The following PSIP1 variants were observed in gnomAD, a reference collection of about 807,000 sequenced individuals.
PSIP1 encodes PC4 and SFRS1-interacting protein.
In PSIP1, 19 loss-of-function variants were observed where a neutral mutation model predicts 74.7. That is an observed-to-expected ratio of 0.25 (90% CI 0.18 to 0.37). PSIP1 has a LOEUF of 0.37. PSIP1 is among the 10% of genes least tolerant of loss of function. PSIP1 has a pLI of 1.00. For missense variants in PSIP1, 601 were observed against 614.3 expected (o/e 0.98, Z 0.23); for synonymous variants, 222 against 195.3 (o/e 1.14, Z -1.14).
chr9:15,473,977 G>T, intron 9 of PSIP1, 32 bp downstream of exon 9: 7 of 1,372,798 alleles, frequency 5.1e-6, no homozygotes, highest in Non-Finnish European at 6.0e-6. Context: ...ACTAAGAATA[G>T]AACAGCCATT....
In PSIP1 at chr9:15,472,688, A is replaced by G; in HGVS notation, c.921T>C (p.His307=). ...AHRRNMLKGQ[H]EKEAADRKRK... ...GTTTTCGATCTGCTGCTTCTTTCTC[A>G]TGTTGGCCTTTCAGCATATTCCTTC... Residue 307 remains histidine (H), a synonymous_variant, in exon 10 of 16, where the codon CAT becomes CAC. Coordinates refer to ENST00000380733, the MANE Select transcript of PSIP1 (RefSeq NM_033222.5). 1 of 1,608,518 alleles carries G rather than the reference A, an allele frequency of 6.2e-7. No homozygotes were observed.
At chr9:15,473,673 G>C (rs918378780) in intron 9 of PSIP1, among the ~76,000 whole-genome samples, 1 of 152,024 alleles carries the variant, frequency 6.6e-6, no homozygotes, top group Non-Finnish European at 1.5e-5. Context: ...GGCCAAGGTG[G>C]GAGGTTCACC....
At position 15,464,386 on chromosome 9, in the gene PSIP1, T is replaced by C. The variant is rs1023990442; in HGVS notation, c.*1134A>G. 5.1e-6 allele frequency: 1 copy of C among 195,802 alleles called. No homozygotes were observed. Among genetic ancestry groups the C allele is most frequent in the Non-Finnish European group, 1.1e-5 (1 of 94,294 alleles). 12.1% of individuals were successfully genotyped at this position (195,802 alleles called of 1,614,324 possible). Reference sequence around the variant, plus strand: ...ATCCTACTTGCTGAGAAGTGCCAAATGACCCTAATATTCAAAATATCTTAG... The same window carrying C: ...ATCCTACTTGCTGAGAAGTGCCAAACGACCCTAATATTCAAAATATCTTAG... On this transcript the variant is annotated 3_prime_UTR_variant, in exon 16 of 16. Coordinates refer to ENST00000380733, the MANE Select transcript of PSIP1 (RefSeq NM_033222.5).
intron 4 of PSIP1, among the ~76,000 whole-genome samples, chr9:15,488,617 T>G (rs1418208452): frequency 1.3e-5 from 2 of 152,042 alleles, no homozygotes; most frequent in Non-Finnish European, 2.9e-5. Flanking sequence ...TATAAAAAAT[T>G]TTTCTAAGCC....
At position 15,469,159 on chromosome 9, in the gene PSIP1, G is replaced by T; in HGVS notation, c.1105-101C>A. ...CAAAAAAAAAGAGGTAGTGCAAAAT[G>T]ACCAGTAATTATCCCTTAAATTTAC... On this transcript the variant is annotated intron_variant, in intron 12 of 15. Coordinates refer to ENST00000380733, the MANE Select transcript of PSIP1 (RefSeq NM_033222.5). The T allele has an allele frequency of 3.0e-6, 4 of 1,338,742 alleles. No homozygotes were observed. In the South Asian group the frequency reaches 3.9e-5, roughly 13 times the overall value. The allele number at this position is 1,338,742 out of a possible 1,614,324, so 82.9% of individuals were successfully genotyped here.
Position 15,469,048 on chromosome 9 carries a change from C to T in PSIP1, c.1115G>A (p.Arg372Lys). ...AAGTTCATCCAAGGCCTCAATGCAT[C>T]TGTTCACATCCTTCATGACAAAACA... Reference protein sequence around the residue: ...SLKIDNLDVNRCIEALDELAS... With the variant: ...SLKIDNLDVNKCIEALDELAS... Residue 372 changes from arginine to lysine, a missense_variant, in exon 13 of 16, where the codon AGA (arginine) becomes AAA (lysine). Physicochemically the swap from Arg to Lys is conservative, Grantham distance 26. Around this residue, in one of 2 missense-constraint regions of PSIP1, gnomAD observed 538 missense variants for 507.6 expected, o/e 1.06. Coordinates refer to ENST00000380733, the MANE Select transcript of PSIP1 (RefSeq NM_033222.5). 1 of 1,613,386 alleles carries T rather than the reference C, an allele frequency of 6.2e-7. No homozygotes were observed. Among genetic ancestry groups the T allele is most frequent in the African/African-American group, 1.3e-5 (1 of 74,988 alleles).
chr9:15,500,894 G>A (rs1242234275), intron 3 of PSIP1, among the ~76,000 whole-genome samples: 2 of 152,166 alleles, frequency 1.3e-5, no homozygotes, highest in African/African-American at 2.4e-5. Context: ...AACTCAAACT[G>A]AGCTTCATTT....
intron 3 of PSIP1, among the ~76,000 whole-genome samples, chr9:15,502,579 C>G (rs540606364): frequency 9.9e-5 from 15 of 152,266 alleles, no homozygotes; most frequent in African/African-American, 3.6e-4. Flanking sequence ...CAACTTAGGA[C>G]ATTATTTACA....
At position 15,497,325 on chromosome 9, in the gene PSIP1, C is replaced by CTTTTTT. The variant is rs767922897; in HGVS notation, c.150-7207_150-7202dup. Among the ~76,000 whole-genome samples, 58 of 118,558 alleles carry CTTTTTT rather than the reference C, an allele frequency of 4.9e-4. 1 individual carries two copies. Among genetic ancestry groups the CTTTTTT allele is most frequent in the African/African-American group, 1.6e-3 (39 of 24,860 alleles). The allele number at this position is 118,558 out of a possible 152,430, so 77.8% of individuals were successfully genotyped here. A position where few individuals can be genotyped will look rare whatever the true frequency, so the allele number is the denominator to read the frequency against. On this transcript the variant is annotated intron_variant, in intron 3 of 15. Coordinates refer to ENST00000380733, the MANE Select transcript of PSIP1 (RefSeq NM_033222.5). ...CTGAAGACCACACGTTCTATGATTC[C>CTTTTTT]TTTTTTTTTTTTTTTTGAGACAGAG...
intron 8 of PSIP1, among the ~76,000 whole-genome samples, chr9:15,477,629 T>C (rs2036148231): frequency 6.6e-6 from 1 of 151,754 alleles, no homozygotes; most frequent in Non-Finnish European, 1.5e-5. Context: ...CTAAATATAC[T>C]CTCTATTCCT....
At chr9:15,503,057 G>A (rs2037417205) in intron 3 of PSIP1, among the ~76,000 whole-genome samples, 1 of 152,162 alleles carries the variant, frequency 6.6e-6, no homozygotes, top group South Asian at 2.1e-4. Context: ...AACTATTTAT[G>A]CAAAATCCAA....
intron 4 of PSIP1, among the ~76,000 whole-genome samples, chr9:15,488,157 C>T (rs1325394991): frequency 2.6e-5 from 4 of 151,842 alleles, no homozygotes; most frequent in African/African-American, 7.3e-5. Flanking sequence ...GGTGAAACCC[C>T]ATCTCTACTA....
At chr9:15,469,087 T>A in intron 12 of PSIP1, 29 bp from the exon 13 acceptor site, 1 of 1,583,462 alleles carries the variant, frequency 6.3e-7, no homozygotes, top group Non-Finnish European at 8.6e-7. Context: ...ATTTCATAGC[T>A]GTTAATTATC....
chr9:15,470,806 A>G (rs928642906), intron 10 of PSIP1: 1 of 1,021,530 alleles, frequency 9.8e-7, no homozygotes, highest in Non-Finnish European at 1.2e-6. Flanking sequence ...TATAACTGCT[A>G]TTCCAGTTTA....
chr9:15,499,429 C>T (rs1053700190), intron 3 of PSIP1, among the ~76,000 whole-genome samples: 1 of 152,146 alleles, frequency 6.6e-6, no homozygotes, highest in Non-Finnish European at 1.5e-5. Context: ...CGTTGAAGCC[C>T]TAAGTGTGTA....
chr9:15,494,419 G>A (rs1399000415), intron 3 of PSIP1, among the ~76,000 whole-genome samples: 4 of 151,904 alleles, frequency 2.6e-5, no homozygotes, highest in Non-Finnish European at 5.9e-5. Context: ...TACAAAATTA[G>A]CCAGGCGTGG....
Position 15,466,847 on chromosome 9 carries a change from A to G in PSIP1, c.1433T>C (p.Leu478Pro), listed in dbSNP as rs759337368. 10 of 1,612,598 alleles carry G rather than the reference A, an allele frequency of 6.2e-6. No homozygotes were observed. The highest frequency in any genetic ancestry group is 8.5e-6 in the Non-Finnish European group (10 of 1,179,442). Residue 478 changes from leucine to proline, a missense_variant, in exon 15 of 16, where the codon CTA becomes CCA. Leu to Pro is a moderately conservative substitution (Grantham distance 98). Around this residue, in one of 2 missense-constraint regions of PSIP1, gnomAD observed 538 missense variants for 507.6 expected, o/e 1.06. Transcript: ENST00000380733. ...ATCTTGAGCATCAGATCCTCCATTT[A>G]GAGTCTTTGACCCTTGCGAAGGAAT... is the stretch of plus-strand genomic sequence containing the variant. ...LEKEQTGSKT[L>P]NGGSDAQDGN...
chr9:15,496,801 C>T (rs889810492), intron 3 of PSIP1, among the ~76,000 whole-genome samples: 1 of 152,064 alleles, frequency 6.6e-6, no homozygotes, highest in African/African-American at 2.4e-5. Flanking sequence ...TTTTTAAATT[C>T]GCACACTTTT....
Position 15,472,163 on chromosome 9 carries a change from G to A in PSIP1, c.977+469C>T, listed in dbSNP as rs1431693522. On this transcript the variant is annotated intron_variant, in intron 10 of 15. Coordinates refer to ENST00000380733, the MANE Select transcript of PSIP1 (RefSeq NM_033222.5). Reference sequence around the variant, plus strand: ...ATACATAATAATGTACACCCTGTCAGCCTTTAGATTTACTTTTACTGGCTT... The same window carrying A: ...ATACATAATAATGTACACCCTGTCAACCTTTAGATTTACTTTTACTGGCTT... The A allele has an allele frequency of 3.0e-6, 3 of 985,438 alleles. No homozygotes were observed. The East Asian group carries it at 3.4e-4, about 112-fold the overall frequency. The allele number at this position is 985,438 out of a possible 1,614,324, so 61.0% of individuals were successfully genotyped here. A position where few individuals can be genotyped will look rare whatever the true frequency, so the allele number is the denominator to read the frequency against.
Sources: allele counts gnomAD v4.1 joint callset (sites outside exome capture counted in the v4.1 genomes callset), GRCh38; gene constraint gnomAD v4.1.1; regional missense constraint gnomAD v4.1.1; transcripts MANE v1.5; gene names NCBI Gene and HGNC (gene_info 2026-07-23, HGNC 2026-07-21).